The following IQCM variants were observed in gnomAD, a reference collection of about 807,000 sequenced individuals.
The protein encoded by IQCM is IQ domain-containing protein M.
Under a neutral mutation model 57.6 loss-of-function variants are expected in IQCM, and 45 were observed. That is an observed-to-expected ratio of 0.78 (90% confidence interval 0.62 to 1.00). The LOEUF is 1.00. IQCM is among the 50% of genes least tolerant of loss of function. The probability of loss-of-function intolerance (pLI) is 0.00; values close to 1 mark genes in which losing one functional copy is unlikely to be tolerated. For missense variants in IQCM, 468 were observed against 511.6 expected (o/e 0.91, Z 0.82); for synonymous variants, 148 against 158.9 (o/e 0.93, Z 0.51).
intron 10 of IQCM, among the ~76,000 whole-genome samples, chr4:149,556,751 T>C (rs988735102): frequency 6.6e-6 from 1 of 152,188 alleles, no homozygotes; most frequent in African/African-American, 2.4e-5. Context: ...GTGTGAATCT[T>C]ATATTCACTT....
chr4:149,687,327 A>G (rs1009346873), intron 5 of IQCM, among the ~76,000 whole-genome samples: 2 of 151,620 alleles, frequency 1.3e-5, no homozygotes, highest in Non-Finnish European at 3.0e-5. Flanking sequence ...GATTAACTAC[A>G]GTCGGCCTTC....
At chr4:149,523,326 A>C (rs1745847037) in intron 12 of IQCM, among the ~76,000 whole-genome samples, 1 of 152,156 alleles carries the variant, frequency 6.6e-6, no homozygotes, top group Non-Finnish European at 1.5e-5. Context: ...ATTACAAAGA[A>C]AAAAGCATCA....
chr4:149,757,183 G>A (rs373466607), intron 2 of IQCM, among the ~76,000 whole-genome samples: 19 of 152,052 alleles, frequency 1.2e-4, no homozygotes, highest in East Asian at 1.2e-3. Context: ...GCATGAACCC[G>A]GGAGGCAGAG....
intron 2 of IQCM, among the ~76,000 whole-genome samples, chr4:149,784,507 C>G (rs1028586967): frequency 6.6e-6 from 1 of 152,206 alleles, no homozygotes; most frequent in African/African-American, 2.4e-5. Context: ...GCTCCGCCTC[C>G]CGGGTTCACG....
chr4:149,713,224 C>T (rs1183055639), intron 5 of IQCM, among the ~76,000 whole-genome samples: 1 of 152,088 alleles, frequency 6.6e-6, no homozygotes, highest in African/African-American at 2.4e-5. Context: ...CCCTACCAGG[C>T]CCTGTGATTC....
At chr4:149,505,426 C>T (rs542551196) in intron 12 of IQCM, among the ~76,000 whole-genome samples, 12 of 152,268 alleles carry the variant, frequency 7.9e-5, no homozygotes, top group African/African-American at 2.6e-4. Context: ...AAATTAAAGG[C>T]TCTGAAAACT....
chr4:149,662,803 A>C (rs1760342107), intron 7 of IQCM, among the ~76,000 whole-genome samples: 2 of 152,024 alleles, frequency 1.3e-5, no homozygotes, highest in South Asian at 4.1e-4. Context: ...CTTTAAAAGC[A>C]AAGTGAGTAC....
intron 13 of IQCM, among the ~76,000 whole-genome samples, chr4:149,375,337 C>T (rs990358728): frequency 4.6e-5 from 7 of 152,000 alleles, no homozygotes; most frequent in Non-Finnish European, 8.8e-5. Context: ...CTGCTCTTGT[C>T]GTCTTTCCCT....
intron 12 of IQCM, among the ~76,000 whole-genome samples, chr4:149,494,283 A>G (rs938168232): frequency 1.4e-4 from 21 of 152,234 alleles, no homozygotes; most frequent in Admixed American, 3.9e-4. Context: ...AACAATTGCA[A>G]CAAGTCTGTG....
rs141420815 is a variant in IQCM, at chr4:149,678,826, A to C, written c.565+3292T>G. 9.0e-4 allele frequency among the ~76,000 whole-genome samples: 136 copies of C among 151,814 alleles called. 1 individual carries two copies. Among genetic ancestry groups the C allele is most frequent in the African/African-American group, 3.1e-3 (130 of 41,486 alleles). On this transcript the variant is annotated intron_variant, in intron 7 of 13. Transcript: ENST00000636793. ...ATGGAGACATGTGAATCAAAACTAC[A>C]ATGAAGTATGATATTACCCCAGTTA...
At chr4:149,771,633 T>C (rs187908875) in intron 2 of IQCM, among the ~76,000 whole-genome samples, 1 of 152,232 alleles carries the variant, frequency 6.6e-6, no homozygotes, top group Admixed American at 6.5e-5. Context: ...ATGTGTTATG[T>C]TCAGATCGAT....
At chr4:149,474,799 A>C (rs1313739949) in intron 12 of IQCM, among the ~76,000 whole-genome samples, 2 of 152,074 alleles carry the variant, frequency 1.3e-5, no homozygotes, top group African/African-American at 2.4e-5. Context: ...CTAAGACTTA[A>C]AGGAGATGAA....
At chr4:149,495,355 T>C (rs1354287653) in intron 12 of IQCM, among the ~76,000 whole-genome samples, 2 of 152,122 alleles carry the variant, frequency 1.3e-5, no homozygotes, top group Admixed American at 1.3e-4. Flanking sequence ...GAGCCTTACT[T>C]ATTCAATCTC....
intron 13 of IQCM, among the ~76,000 whole-genome samples, chr4:149,424,545 G>T (rs1389723710): frequency 6.6e-6 from 1 of 151,594 alleles, no homozygotes. Flanking sequence ...AGTACATAAA[G>T]TCCACTGGAT....
In IQCM at chr4:149,553,212, G is replaced by A. The variant is rs1183412029; in HGVS notation, c.1024C>T (p.Arg342Cys). The A allele has an allele frequency of 7.3e-6, 9 of 1,231,894 alleles. No homozygotes were observed. The highest frequency in any genetic ancestry group is 7.1e-6 in the Non-Finnish European group (7 of 987,824). The allele number at this position is 1,231,894 out of a possible 1,614,324, so 76.3% of individuals were successfully genotyped here. ...GRLIHRVRYR[R>C]GLWRTRQILN... is the part of the protein sequence containing the mutation. ...ATTTGTCTTGTCCTCCAAAGACCACGTCGATATCTAACACGGTGGATTAGT... is the reference window on the plus strand; with the variant it reads ...ATTTGTCTTGTCCTCCAAAGACCACATCGATATCTAACACGGTGGATTAGT... Residue 342 changes from arginine to cysteine, a missense_variant, in exon 11 of 14, where the codon CGT becomes TGT. By Grantham distance (180) the Arg-to-Cys change is radical (BLOSUM62 -3). Transcript: ENST00000636793.
intron 2 of IQCM, among the ~76,000 whole-genome samples, chr4:149,765,398 A>G (rs1233344396): frequency 6.6e-6 from 1 of 152,184 alleles, no homozygotes; most frequent in Non-Finnish European, 1.5e-5. Context: ...TTATGAAATC[A>G]TCTTTGCAAA....
At chr4:149,732,149 T>C (rs1766517127) in intron 5 of IQCM, among the ~76,000 whole-genome samples, 1 of 152,206 alleles carries the variant, frequency 6.6e-6, no homozygotes, top group South Asian at 2.1e-4. Flanking sequence ...TTTGAAATCA[T>C]CATGTCTTTC....
intron 2 of IQCM, chr4:149,790,184 G>T: frequency 2.4e-6 from 1 of 421,358 alleles, no homozygotes; most frequent in Non-Finnish European, 4.4e-6. Flanking sequence ...GAAAGTTTGG[G>T]AAGAACATGA....
chr4:149,754,535 C>G (rs2149944990), intron 2 of IQCM, among the ~76,000 whole-genome samples: 1 of 152,316 alleles, frequency 6.6e-6, no homozygotes, highest in East Asian at 1.9e-4. Flanking sequence ...ATCTAATTGT[C>G]AATCTTAGTC....
Sources: gnomAD v4.1 joint callset for allele counts (sites outside exome capture counted in the v4.1 genomes callset) on GRCh38, gnomAD v4.1.1 for gene constraint, MANE v1.5 for transcripts, NCBI Gene and HGNC (gene_info 2026-07-23, HGNC 2026-07-21) for gene names.